The following SCHIP1 variants were observed in gnomAD, a reference collection of about 807,000 sequenced individuals.
SCHIP1 encodes schwannomin interacting protein 1.
In SCHIP1, 8 loss-of-function variants were observed where a neutral mutation model predicts 29.7. The observed-to-expected ratio is 0.27, with a 90% CI of 0.16 to 0.49. The LOEUF is 0.49. Among genes scored for constraint, SCHIP1 ranks in the 20% least tolerant of loss-of-function variants. The probability of loss-of-function intolerance (pLI) is 0.99; values close to 1 mark genes in which losing one functional copy is unlikely to be tolerated. For missense variants in SCHIP1, 193 were observed against 294.6 expected, an observed-to-expected ratio of 0.66 and a Z score of 2.52; for synonymous variants, 76 against 94.9, an observed-to-expected ratio of 0.80 and a Z score of 1.16.
chr3:159,767,110 G>GAGGT, the SCHIP1 span, among the ~76,000 whole-genome samples: 1 of 152,184 alleles, frequency 6.6e-6, no homozygotes, highest in Non-Finnish European at 1.5e-5. Flanking sequence ...AAGGGAGAAG[G>GAGGT]AGGTAGCATT....
the SCHIP1 span, among the ~76,000 whole-genome samples, chr3:159,778,045 C>T: frequency 1.3e-5 from 2 of 151,696 alleles, no homozygotes; most frequent in African/African-American, 4.8e-5. Flanking sequence ...AGTGCAGTGG[C>T]GTGATCTTGG....
the SCHIP1 span, among the ~76,000 whole-genome samples, chr3:159,316,494 A>G: frequency 6.6e-6 from 1 of 152,164 alleles, no homozygotes; most frequent in African/African-American, 2.4e-5. Context: ...TCAAATGTCA[A>G]TCTCTATTGG....
chr3:159,490,670 C>T, the SCHIP1 span, among the ~76,000 whole-genome samples: 1 of 152,144 alleles, frequency 6.6e-6, no homozygotes, highest in African/African-American at 2.4e-5. Flanking sequence ...TGTACCAAAG[C>T]TGTGGATATA....
chr3:159,559,741 A>G, the SCHIP1 span, among the ~76,000 whole-genome samples: 1 of 152,106 alleles, frequency 6.6e-6, no homozygotes, highest in Non-Finnish European at 1.5e-5. Context: ...TTTTGCAGTC[A>G]ATTCCCACCC....
chr3:159,755,282 A>G, the SCHIP1 span, among the ~76,000 whole-genome samples: 2 of 152,182 alleles, frequency 1.3e-5, no homozygotes, highest in Non-Finnish European at 2.9e-5. Flanking sequence ...ACAGTTCCAC[A>G]TGGCTGGGGA....
chr3:159,283,258 T>G, the SCHIP1 span, among the ~76,000 whole-genome samples: 6 of 152,228 alleles, frequency 3.9e-5, no homozygotes, highest in African/African-American at 7.2e-5. Flanking sequence ...GTTCAAGTGA[T>G]TCTCCTGCCT....
chr3:159,368,792 T>C, the SCHIP1 span, among the ~76,000 whole-genome samples: 2 of 152,120 alleles, frequency 1.3e-5, no homozygotes, highest in Admixed American at 6.6e-5. Context: ...GGCTTGAGGC[T>C]TGTGAGAGAT....
At chr3:159,645,799 G>GA in the SCHIP1 span, among the ~76,000 whole-genome samples, 2 of 152,078 alleles carry the variant, frequency 1.3e-5, no homozygotes, top group African/African-American at 4.8e-5. Flanking sequence ...ATCACCATAG[G>GA]AAAAAAATCA....
At chr3:159,620,550 CTTCT>C in the SCHIP1 span, among the ~76,000 whole-genome samples, 1 of 152,218 alleles carries the variant, frequency 6.6e-6, no homozygotes, top group Non-Finnish European at 1.5e-5. Context: ...AACCATGTCC[CTTCT>C]TTCTTTTCAT....
chr3:159,731,692 C>G, the SCHIP1 span, among the ~76,000 whole-genome samples: 1 of 152,196 alleles, frequency 6.6e-6, no homozygotes, highest in African/African-American at 2.4e-5. Context: ...TTGAGGCGAG[C>G]AAGATCCTCT....
At chr3:159,365,649 G>C in the SCHIP1 span, among the ~76,000 whole-genome samples, 352 of 152,224 alleles carry the variant, frequency 2.3e-3, 2 homozygotes, top group African/African-American at 8.2e-3. Flanking sequence ...CTGATCTAGA[G>C]TCGTCCCCTG....
At chr3:159,596,690 A>C in the SCHIP1 span, among the ~76,000 whole-genome samples, 1 of 152,236 alleles carries the variant, frequency 6.6e-6, no homozygotes, top group Admixed American at 6.5e-5. Context: ...CGAGCAAACT[A>C]TCACAAGGAC....
the SCHIP1 span, among the ~76,000 whole-genome samples, chr3:159,395,351 C>A: frequency 1.3e-5 from 2 of 151,978 alleles, no homozygotes; most frequent in African/African-American, 4.8e-5. Flanking sequence ...TTATTTCTAG[C>A]CTTCTGCTAG....
the SCHIP1 span, among the ~76,000 whole-genome samples, chr3:159,479,133 A>C: frequency 6.6e-6 from 1 of 152,184 alleles, no homozygotes; most frequent in Non-Finnish European, 1.5e-5. Flanking sequence ...AGCCAGAAAA[A>C]TAGAATGCCA....
the SCHIP1 span, among the ~76,000 whole-genome samples, chr3:159,428,466 C>G: frequency 6.6e-6 from 1 of 152,202 alleles, no homozygotes; most frequent in Non-Finnish European, 1.5e-5. Flanking sequence ...CACTGGCCAT[C>G]ATAGAAACGC....
chr3:159,750,212 G>C, the SCHIP1 span, among the ~76,000 whole-genome samples: 1 of 148,152 alleles, frequency 6.7e-6, no homozygotes, highest in African/African-American at 2.5e-5. Flanking sequence ...CTTTGTCCAA[G>C]CAGATGCACT....
At chr3:159,569,220 A>G in the SCHIP1 span, among the ~76,000 whole-genome samples, 504 of 152,176 alleles carry the variant, frequency 3.3e-3, 2 homozygotes, top group African/African-American at 0.011. Context: ...CACAATGTGC[A>G]GGTTTGATAC....
the SCHIP1 span, among the ~76,000 whole-genome samples, chr3:159,645,684 A>G: frequency 7.2e-5 from 11 of 152,246 alleles, no homozygotes; most frequent in Middle Eastern, 3.4e-3. Context: ...GGCATCCAGG[A>G]AAAAGATGTC....
chr3:159,526,139 CT>C, the SCHIP1 span, among the ~76,000 whole-genome samples: 1 of 152,134 alleles, frequency 6.6e-6, no homozygotes, highest in South Asian at 2.1e-4. Context: ...CCACTTTTCT[CT>C]CTTTGATGTT....
Sources: allele counts gnomAD v4.1 joint callset (sites outside exome capture counted in the v4.1 genomes callset), GRCh38; gene constraint gnomAD v4.1.1; transcripts MANE v1.5; gene names NCBI Gene and HGNC (gene_info 2026-07-23, HGNC 2026-07-21).